The following CNIH4 variants were observed in gnomAD, a reference collection of about 807,000 sequenced individuals.
CNIH4 encodes the protein cornichon family member 4, also known as protein cornichon homolog 4.
In CNIH4, 9 loss-of-function variants were observed where a neutral mutation model predicts 21.5. The observed-to-expected ratio is 0.42, with a 90% CI of 0.25 to 0.73. The LOEUF (loss-of-function observed/expected upper bound fraction) is 0.73, where lower values mean the gene tolerates loss of function less well. Ranked by LOEUF, CNIH4 falls within the 30% of genes least tolerant of loss-of-function variation. The probability of loss-of-function intolerance (pLI) is 0.27; values close to 1 mark genes in which losing one functional copy is unlikely to be tolerated. For synonymous variants in CNIH4, 67 were observed against 59.1 expected, an observed-to-expected ratio of 1.13 and a Z score of -0.61; for missense variants, 159 against 170.0, an observed-to-expected ratio of 0.94 and a Z score of 0.36.
chr1:224,360,603 G>T (rs1672251045), intron 2 of CNIH4, 40 bp downstream of exon 2: 3 of 1,090,446 alleles, frequency 2.8e-6, no homozygotes, highest in South Asian at 1.8e-5. Flanking sequence ...ATTGAAGCCA[G>T]GTCATTTTCC....
chr1:224,365,401 A>G (rs1672421987), intron 2 of CNIH4, among the ~76,000 whole-genome samples: 1 of 152,194 alleles, frequency 6.6e-6, no homozygotes, highest in Non-Finnish European at 1.5e-5. Flanking sequence ...CTATTATTGT[A>G]AGCTTTTACA....
intron 2 of CNIH4, among the ~76,000 whole-genome samples, chr1:224,362,068 T>C (rs145491879): frequency 2.9e-4 from 42 of 145,892 alleles, no homozygotes; most frequent in African/African-American, 7.9e-4. Flanking sequence ...GTGGTTCAAG[T>C]TGGGAAGTAC....
chr1:224,363,918 G>A (rs1444747444), intron 2 of CNIH4, among the ~76,000 whole-genome samples: 1 of 152,074 alleles, frequency 6.6e-6, no homozygotes, highest in Non-Finnish European at 1.5e-5. Flanking sequence ...GTTTTTTCGA[G>A]TCATTTACTT....
intron 3 of CNIH4, among the ~76,000 whole-genome samples, chr1:224,368,910 C>CTT (rs11370391): frequency 0.083 from 11,865 of 143,106 alleles, 1,484 homozygotes; most frequent in African/African-American, 0.27. Context: ...CTGTGTGTGT[C>CTT]TTTTTTTTTT....
intron 4 of CNIH4, 98 bp from the exon 5 acceptor site, chr1:224,375,697 T>C: frequency 7.7e-7 from 1 of 1,300,090 alleles, no homozygotes; most frequent in Non-Finnish European, 1.1e-6. Context: ...CAAATGATTG[T>C]TCCTTTGTGA....
intron 1 of CNIH4, among the ~76,000 whole-genome samples, chr1:224,358,579 G>A (rs1185452692): frequency 1.3e-5 from 2 of 151,192 alleles, no homozygotes; most frequent in African/African-American, 4.8e-5. Flanking sequence ...TTCTTTTTTG[G>A]TGATTTTTTT....
chr1:224,365,748 TG>T (rs1400909224), intron 2 of CNIH4, 130 bp from the exon 3 acceptor site: 2 of 684,802 alleles, frequency 2.9e-6, no homozygotes, highest in Non-Finnish European at 5.4e-6. Context: ...ATCTGGGACA[TG>T]GGAGTCTAAA....
rs1672851906 is a variant in CNIH4, at chr1:224,379,073, A to G, written c.*3251A>G. 1.9e-6 allele frequency: 3 copies of G among 1,550,432 alleles called. No individual in the cohort carries two copies. The highest frequency in any genetic ancestry group is 1.7e-6 in the Non-Finnish European group (2 of 1,146,978). ...TTTTTCCTTCTATCCTTTCAGTGGT[A>G]GCAACTGCCCTTGCTAATCACCGTA... On this transcript the variant is annotated 3_prime_UTR_variant, in exon 5 of 5. Coordinates refer to ENST00000465271, the MANE Select transcript of CNIH4 (RefSeq NM_014184.4).
intron 2 of CNIH4, among the ~76,000 whole-genome samples, chr1:224,365,410 C>T (rs1444960581): frequency 6.6e-6 from 1 of 152,148 alleles, no homozygotes; most frequent in Non-Finnish European, 1.5e-5. Flanking sequence ...TAAGCTTTTA[C>T]ATTCTTATTA....
At chr1:224,372,652 G>A (rs530605985) in intron 4 of CNIH4, among the ~76,000 whole-genome samples, 61 of 151,836 alleles carry the variant, frequency 4.0e-4, no homozygotes, top group African/African-American at 1.4e-3. Context: ...GCACAGTCTC[G>A]GCTCACTGCA....
intron 4 of CNIH4, among the ~76,000 whole-genome samples, chr1:224,372,352 T>A (rs1672655998): frequency 6.6e-6 from 1 of 152,134 alleles, no homozygotes; most frequent in Non-Finnish European, 1.5e-5. Context: ...GAAAAAAAAA[T>A]TCCTGTGTAT....
rs1672629372 is a variant in CNIH4, at chr1:224,371,550, T to C, written c.392+127T>C. 5.5e-6 allele frequency: 5 copies of C among 906,016 alleles called. No individual in the cohort carries two copies. In the South Asian group the frequency reaches 6.7e-5, roughly 12 times the overall value. 56.1% of individuals were successfully genotyped at this position (906,016 alleles called of 1,614,324 possible). ...GGGGATTATGTAAATTCCTTGTGGC[T>C]GTGTAGATTATTTATGTATGTCATT... On this transcript the variant is annotated intron_variant, in intron 4 of 4. Coordinates refer to ENST00000465271, the MANE Select transcript of CNIH4 (RefSeq NM_014184.4).
intron 1 of CNIH4, 69 bp from the exon 2 acceptor site, chr1:224,360,426 T>A (rs1672245655): frequency 1.3e-6 from 1 of 785,044 alleles, no homozygotes; most frequent in Non-Finnish European, 1.9e-6. Flanking sequence ...GTAACTGGGA[T>A]TGCTTTCTGA....
chr1:224,362,148 T>TCCAC (rs1316941145), intron 2 of CNIH4, among the ~76,000 whole-genome samples: 9 of 151,656 alleles, frequency 5.9e-5, no homozygotes, highest in African/African-American at 1.7e-4. Context: ...TGGTGCGATC[T>TCCAC]TGGCTCACTG....
chr1:224,376,479 A>G lies in CNIH4; in HGVS notation c.*657A>G, dbSNP rs1047889343. 2.0e-6 allele frequency: 2 copies of G among 985,262 alleles called. No homozygotes were observed. The highest frequency in any genetic ancestry group is 1.1e-4 in the East Asian group (1 of 8,822). The allele number at this position is 985,262 out of a possible 1,614,324, so 61.0% of individuals were successfully genotyped here. A position where few individuals can be genotyped will look rare whatever the true frequency, so the allele number is the denominator to read the frequency against. ...CAAGAGCTTTCATTTAAAAGCTACT[A>G]CCTCCACAATCACCCCCAAACCCAG... On this transcript the variant is annotated 3_prime_UTR_variant, in exon 5 of 5. Coordinates refer to ENST00000465271, the MANE Select transcript of CNIH4 (RefSeq NM_014184.4).
At chr1:224,371,671 GGT>G (rs1672634238) in intron 4 of CNIH4, among the ~76,000 whole-genome samples, 1 of 152,138 alleles carries the variant, frequency 6.6e-6, no homozygotes, top group Non-Finnish European at 1.5e-5. Context: ...AACAGGGCAC[GGT>G]GACTTACGCC....
chr1:224,373,290 C>CA (rs566994074), intron 4 of CNIH4, among the ~76,000 whole-genome samples: 151 of 152,220 alleles, frequency 9.9e-4, no homozygotes, highest in African/African-American at 3.5e-3. Context: ...TCTGAAGAGA[C>CA]AAAAAACAAG....
chr1:224,372,499 T>TA (rs779773734), intron 4 of CNIH4, among the ~76,000 whole-genome samples: 4 of 152,342 alleles, frequency 2.6e-5, no homozygotes, highest in South Asian at 2.1e-4. Context: ...AGGAAAAACT[T>TA]ATGTTGAAGT....
chr1:224,378,953 C>G lies in CNIH4; in HGVS notation c.*3131C>G, dbSNP rs1672847852. 1 of 976,376 alleles carries G rather than the reference C, an allele frequency of 1.0e-6. No individual in the cohort carries two copies. Among genetic ancestry groups the G allele is most frequent in the Non-Finnish European group, 1.6e-6 (1 of 626,196 alleles). The allele number at this position is 976,376 out of a possible 1,614,324, so 60.5% of individuals were successfully genotyped here. A position where few individuals can be genotyped will look rare whatever the true frequency, so the allele number is the denominator to read the frequency against. On this transcript the variant is annotated 3_prime_UTR_variant, in exon 5 of 5. Coordinates refer to ENST00000465271, the MANE Select transcript of CNIH4 (RefSeq NM_014184.4). ...TCTCTCTCCCTTACCACTCCTCTTC[C>G]CCTTCCCTCTATAATGGCAGTACCC...
Sources: allele counts gnomAD v4.1 joint callset (sites outside exome capture counted in the v4.1 genomes callset), GRCh38; gene constraint gnomAD v4.1.1; transcripts MANE v1.5; gene names NCBI Gene and HGNC (gene_info 2026-07-23, HGNC 2026-07-21).